The following ARHGAP30 variants were observed in gnomAD, a reference collection of about 807,000 sequenced individuals.
ARHGAP30 encodes the protein rho GTPase-activating protein 30.
A neutral mutation model predicts 72.0 loss-of-function variants in ARHGAP30; 23 were observed. That is an observed-to-expected ratio of 0.32 (90% CI 0.23 to 0.45). ARHGAP30 has a LOEUF of 0.45. Ranked by LOEUF, ARHGAP30 falls within the 20% of genes least tolerant of loss-of-function variation. ARHGAP30 has a pLI of 1.00. For missense variants in ARHGAP30, 1,319 were observed against 1,383.4 expected (o/e 0.95, Z 0.74); for synonymous variants, 576 against 528.2 (o/e 1.09, Z -1.24).
intron 1 of ARHGAP30, among the ~76,000 whole-genome samples, chr1:161,061,556 A>G (rs1652313306): frequency 6.6e-6 from 1 of 152,168 alleles, no homozygotes; most frequent in East Asian, 1.9e-4. Context: ...AACTTTAAAA[A>G]TTAGATATTC....
intron 1 of ARHGAP30, among the ~76,000 whole-genome samples, chr1:161,065,391 A>T (rs560749944): frequency 1.1e-4 from 17 of 152,120 alleles, no homozygotes; most frequent in Admixed American, 3.9e-4. Flanking sequence ...TTTTCCTTCA[A>T]CCCAATTCCT....
At chr1:161,063,802 GC>G (rs199777394) in intron 1 of ARHGAP30, among the ~76,000 whole-genome samples, 17 of 151,512 alleles carry the variant, frequency 1.1e-4, no homozygotes, top group Admixed American at 6.6e-4. Flanking sequence ...GTCTCTGAAC[GC>G]CCCCCCCACC....
intron 1 of ARHGAP30, among the ~76,000 whole-genome samples, chr1:161,063,905 TC>T (rs1332086635): frequency 2.0e-5 from 3 of 152,174 alleles, no homozygotes; most frequent in African/African-American, 2.4e-5. Flanking sequence ...AAGAGGAAAC[TC>T]TCGCCTAATA....
intron 5 of ARHGAP30, among the ~76,000 whole-genome samples, chr1:161,053,975 C>G (rs970030177): frequency 2.0e-5 from 3 of 152,070 alleles, no homozygotes; most frequent in African/African-American, 7.2e-5. Flanking sequence ...GGCTGAGGCA[C>G]GAGAATCCCT....
intron 1 of ARHGAP30, among the ~76,000 whole-genome samples, chr1:161,062,352 C>T (rs1230148643): frequency 6.6e-6 from 1 of 152,112 alleles, no homozygotes; most frequent in African/African-American, 2.4e-5. Flanking sequence ...TCCTATGAGC[C>T]TTGGTAGCAT....
chr1:161,051,644 A>T lies in ARHGAP30; in HGVS notation c.1090T>A (p.Ser364Thr). 1 of 1,612,924 alleles carries T rather than the reference A, an allele frequency of 6.2e-7. No homozygotes were observed. Among genetic ancestry groups the T allele is most frequent in the Non-Finnish European group, 8.5e-7 (1 of 1,179,978 alleles). Residue 364 changes from serine to threonine, a missense_variant, in exon 10 of 12, where the codon TCT becomes ACT. By Grantham distance (58) the Ser-to-Thr change is moderately conservative (BLOSUM62 1). Coordinates refer to ENST00000368013, the MANE Select transcript of ARHGAP30 (RefSeq NM_001025598.2). ...PLLPESLEND[S>T]IEAAEGEQEP... ...TGTTCACCCTCTGCTGCCTCTATAG[A>T]ATCGTTCTCCAAGCTCTCAGGCAGC...
chr1:161,065,818 T>C (rs927325456), intron 1 of ARHGAP30, among the ~76,000 whole-genome samples: 1 of 151,886 alleles, frequency 6.6e-6, no homozygotes, highest in Non-Finnish European at 1.5e-5. Context: ...CCACCCACCT[T>C]GGCTTCCCAA....
intron 1 of ARHGAP30, among the ~76,000 whole-genome samples, chr1:161,064,838 AAAGAAAG>A (rs1284402244): frequency 2.6e-5 from 3 of 117,030 alleles, no homozygotes; most frequent in Non-Finnish European, 5.2e-5. Context: ...AAAGAGAAAG[AAAGAAAG>A]AAAGGAAAGG....
intron 10 of ARHGAP30, among the ~76,000 whole-genome samples, chr1:161,050,692 G>A (rs1444984383): frequency 2.0e-5 from 3 of 151,858 alleles, no homozygotes; most frequent in East Asian, 3.9e-4. Flanking sequence ...CCAGGCTAGA[G>A]TGCAGTGGCG....
rs202022472 is a variant in ARHGAP30 at position 161,052,308 on chromosome 1, A to T, written c.996T>A (p.Ser332Arg). Residue 332 changes from serine to arginine, a missense_variant, in exon 9 of 12, where the codon AGT (serine) becomes AGA (arginine). By Grantham distance (110) the Ser-to-Arg change is moderately radical (BLOSUM62 -1). Around this residue, in one of 2 missense-constraint regions of ARHGAP30, gnomAD observed 1,097 missense variants for 1,045.2 expected, o/e 1.05. Coordinates refer to ENST00000368013, the MANE Select transcript of ARHGAP30 (RefSeq NM_001025598.2). Reference sequence around the variant, plus strand: ...CACCATCACTGGCCCCAGCTGCAGCACTCAGTGAGTCCATGCTTTTGGCTG... The same window carrying T: ...CACCATCACTGGCCCCAGCTGCAGCTCTCAGTGAGTCCATGCTTTTGGCTG... ...LRPAKSMDSLSAAAGASDEPE... is the reference protein window; with the variant it reads ...LRPAKSMDSLRAAAGASDEPE... 63 of 1,613,912 alleles carry T rather than the reference A, an allele frequency of 3.9e-5. No individual in the cohort carries two copies. In the East Asian group the frequency reaches 1.4e-3, roughly 35 times the overall value.
chr1:161,053,481 T>C, intron 5 of ARHGAP30, 96 bp from the exon 6 acceptor site: 2 of 1,190,080 alleles, frequency 1.7e-6, no homozygotes, highest in Admixed American at 4.4e-5. Context: ...TCTCTCTCTC[T>C]CTCTCTCTCT....
Position 161,069,039 on chromosome 1 carries a change from G to A in ARHGAP30, c.97+489C>T, listed in dbSNP as rs1652971035. On this transcript the variant is annotated intron_variant, in intron 1 of 11. Transcript: ENST00000368013. The surrounding 1 kb of genome is among the most constrained non-coding windows in gnomAD (Gnocchi z 4.9). ...AGGCTGCAGTGGGAACAGAGCCCATGACCTTGTCCTTGGGTGTTCTCCAGC... is the reference window on the plus strand; with the variant it reads ...AGGCTGCAGTGGGAACAGAGCCCATAACCTTGTCCTTGGGTGTTCTCCAGC... 6.6e-6 allele frequency among the ~76,000 whole-genome samples: 1 copy of A among 152,238 alleles called. No individual in the cohort carries two copies. The highest frequency in any genetic ancestry group is 2.1e-4 in the South Asian group (1 of 4,824).
At chr1:161,059,554 T>G (rs1305104328) in intron 2 of ARHGAP30, 60 bp downstream of exon 2, 5 of 1,449,116 alleles carry the variant, frequency 3.5e-6, no homozygotes, top group Non-Finnish European at 4.8e-6. Context: ...CAACTCTTAC[T>G]GTGACCTTCT....
Position 161,069,515 on chromosome 1 carries a change from C to A in ARHGAP30, c.97+13G>T. ...CCCCACCCACCCTGCAGAAGCTGAG[C>A]CGGCCTCCTTACCCTCCTGGCCTGA... On this transcript the variant is annotated intron_variant, in intron 1 of 11. Coordinates refer to ENST00000368013, the MANE Select transcript of ARHGAP30 (RefSeq NM_001025598.2). The surrounding 1 kb of genome is among the most constrained non-coding windows in gnomAD (Gnocchi z 4.9). 6.2e-7 allele frequency: 1 copy of A among 1,607,438 alleles called. No individual in the cohort carries two copies. Among genetic ancestry groups the A allele is most frequent in the Non-Finnish European group, 8.5e-7 (1 of 1,179,412 alleles).
chr1:161,048,663 T>C lies in ARHGAP30; in HGVS notation c.2358A>G (p.Val786=), dbSNP rs1406060631. 6.2e-7 allele frequency: 1 copy of C among 1,614,152 alleles called. No individual in the cohort carries two copies. Among genetic ancestry groups the C allele is most frequent in the African/African-American group, 1.3e-5 (1 of 75,022 alleles). ...DQVAEEKWEV[V]QKQEAEGVRE... ...TGACTCCCTCAGCCTCTTGTTTCTG[T>C]ACAACTTCCCATTTCTCCTCAGCAA... is the stretch of plus-strand genomic sequence containing the variant. The change falls in exon 12 of 12, where the codon GTA becomes GTG. Residue 786 remains valine, a synonymous_variant. Transcript: ENST00000368013.
intron 10 of ARHGAP30, 47 bp from the exon 11 acceptor site, chr1:161,049,736 C>T (rs754770296): frequency 3.8e-6 from 6 of 1,582,120 alleles, no homozygotes; most frequent in Non-Finnish European, 5.2e-6. Context: ...CAAGCCCTGA[C>T]CCTTTTCAGT....
rs1651114273 is a variant in ARHGAP30, at chr1:161,048,906, C to G, written c.2115G>C (p.Leu705Phe). 12 of 1,614,132 alleles carry G rather than the reference C, an allele frequency of 7.4e-6. No homozygotes were observed. Among genetic ancestry groups the G allele is most frequent in the Non-Finnish European group, 1.0e-5 (12 of 1,180,026 alleles). ...CTGTCTCTTCCCTACTCCCTTCTCT[C>G]AATCTGACTTTTGTCTCTTGGCTTC... is the stretch of plus-strand genomic sequence containing the variant. ...AGGSQETKVR[L>F]REGSREETEA... Residue 705 changes from leucine (L) to phenylalanine (F), a missense_variant, in exon 12 of 12, where the codon TTG becomes TTC. Around this residue, in one of 2 missense-constraint regions of ARHGAP30, gnomAD observed 1,097 missense variants for 1,045.2 expected, o/e 1.05. Coordinates refer to ENST00000368013, the MANE Select transcript of ARHGAP30 (RefSeq NM_001025598.2).
rs879925048 is a variant in ARHGAP30 at position 161,064,819 on chromosome 1, GAAAGAAAGAAA to G, written c.97+4698_97+4708del. On this transcript the variant is annotated intron_variant, in intron 1 of 11. Coordinates refer to ENST00000368013, the MANE Select transcript of ARHGAP30 (RefSeq NM_001025598.2). ...AGAAAGAAAGAAAGAAAGAAAGAAA[GAAAGAAAGAAA>G]GAGAAAGAAAGAAAGAAAGGAAAGG... Among the ~76,000 whole-genome samples the G allele has an allele frequency of 8.9e-3, 539 of 60,632 alleles. 14 individuals carry two copies. The highest frequency in any genetic ancestry group is 0.08 in the East Asian group (198 of 2,488). The allele number at this position is 60,632 out of a possible 152,430, so 39.8% of individuals were successfully genotyped here.
Position 161,047,926 on chromosome 1 carries a change from C to G in ARHGAP30, c.3095G>C (p.Arg1032Thr). 6.2e-7 allele frequency: 1 copy of G among 1,613,352 alleles called. No individual in the cohort carries two copies. The highest frequency in any genetic ancestry group is 8.5e-7 in the Non-Finnish European group (1 of 1,179,648). Residue 1032 changes from arginine to threonine, a missense_variant, in exon 12 of 12, where the codon AGA becomes ACA. By Grantham distance (71) the Arg-to-Thr change is moderately conservative. This residue lies in a region of ARHGAP30 where 1,097 missense variants were observed against 1,045.2 expected (regional missense o/e 1.05). Coordinates refer to ENST00000368013, the MANE Select transcript of ARHGAP30 (RefSeq NM_001025598.2). ...AGAGATCATGCTACAAGGGGAGGTTCTGGGGATGAGGCAGTAATCCCCACC... is the reference window on the plus strand; with the variant it reads ...AGAGATCATGCTACAAGGGGAGGTTGTGGGGATGAGGCAGTAATCCCCACC... ...TEGGDYCLIP[R>T]TSPCSMISAH...
Sources: gnomAD v4.1 joint callset for allele counts (sites outside exome capture counted in the v4.1 genomes callset) on GRCh38, gnomAD v4.1.1 for gene constraint, gnomAD v4.1.1 regional missense constraint, Gnocchi (gnomAD v3.1) non-coding constraint, MANE v1.5 for transcripts, NCBI Gene and HGNC (gene_info 2026-07-23, HGNC 2026-07-21) for gene names.